The following TAF8 variants were observed in gnomAD, a reference collection of about 807,000 sequenced individuals.
TAF8 encodes TATA-box binding protein associated factor 8.
TAF8 carries 47 observed loss-of-function variants against 36.5 expected under a neutral mutation model. That is an observed-to-expected ratio of 1.29 (90% CI 1.02 to 1.64). TAF8 has a LOEUF of 1.64. Among genes scored for constraint, TAF8 ranks in the 40% most tolerant of loss-of-function variants. The probability of loss-of-function intolerance (pLI) is 0.00; values close to 1 mark genes in which losing one functional copy is unlikely to be tolerated. For missense variants in TAF8, 420 were observed against 407.6 expected, an observed-to-expected ratio of 1.03 and a Z score of -0.26; for synonymous variants, 175 against 159.5, an observed-to-expected ratio of 1.10 and a Z score of -0.73.
chr6:42,084,553 C>G (rs962444294), downstream of TAF8, among the ~76,000 whole-genome samples: 8 of 152,154 alleles, frequency 5.3e-5, no homozygotes, highest in Non-Finnish European at 8.8e-5. Context: ...ACCTCCGCCT[C>G]CTGGGTTCAA....
chr6:42,055,547 G>C lies in TAF8; in HGVS notation c.219G>C (p.Gly73=), dbSNP rs1165953343. ...CCCTCTTAGACATTTCAGAAATTGG[G>C]AGAAGTGCCAAGTCTTACTGTGAGC... is the stretch of plus-strand genomic sequence containing the variant. ...EMLQSYISEI[G]RSAKSYCEHT... Residue 73 remains glycine (G), a synonymous_variant, in exon 3 of 9, where the codon GGG becomes GGC. Transcript: ENST00000372977. 4 of 1,613,850 alleles carry C rather than the reference G, an allele frequency of 2.5e-6. No homozygotes were observed.
chr6:42,051,121 T>A, intron 1 of TAF8: 1 of 1,195,178 alleles, frequency 8.4e-7, no homozygotes, highest in East Asian at 3.9e-5. Context: ...AAAGACCTGC[T>A]ATTTTATCTC....
intron 5 of TAF8, among the ~76,000 whole-genome samples, chr6:42,064,783 C>T (rs1422000373): frequency 6.6e-6 from 1 of 150,704 alleles, no homozygotes; most frequent in African/African-American, 2.4e-5. Context: ...CAGTGAAACC[C>T]GTCTCTACTA....
At chr6:42,061,788 G>A (rs1562013135) in intron 5 of TAF8, among the ~76,000 whole-genome samples, 1 of 152,044 alleles carries the variant, frequency 6.6e-6, no homozygotes, top group Non-Finnish European at 1.5e-5. Context: ...GGGCTTTAGA[G>A]GACCTAATAT....
intron 7 of TAF8, among the ~76,000 whole-genome samples, chr6:42,073,828 G>T (rs1438546551): frequency 6.6e-6 from 1 of 152,196 alleles, no homozygotes; most frequent in East Asian, 1.9e-4. Context: ...GGTAAGAACG[G>T]ACTAGAGAGA....
intron 7 of TAF8, 60 bp downstream of exon 7, chr6:42,068,667 G>A: frequency 6.3e-7 from 1 of 1,592,120 alleles, no homozygotes; most frequent in South Asian, 1.1e-5. Flanking sequence ...ACTGCCCTCA[G>A]TCTGTCACCC....
At chr6:42,072,914 G>A (rs562738936) in intron 7 of TAF8, among the ~76,000 whole-genome samples, 8 of 151,868 alleles carry the variant, frequency 5.3e-5, no homozygotes, top group East Asian at 1.9e-4. Flanking sequence ...TAGTAGAGGC[G>A]GGGTTTCACC....
intron 2 of TAF8, among the ~76,000 whole-genome samples, chr6:42,054,985 A>G (rs1364908993): frequency 6.8e-6 from 1 of 146,806 alleles, no homozygotes; most frequent in African/African-American, 2.5e-5. Flanking sequence ...GCTGGAGTGC[A>G]ATGGCACAAT....
chr6:42,061,009 A>G (rs1034297283), intron 5 of TAF8, among the ~76,000 whole-genome samples: 16 of 152,348 alleles, frequency 1.1e-4, no homozygotes, highest in Admixed American at 6.5e-4. Context: ...TGTTTAACAC[A>G]TTAGCTCTCC....
At chr6:42,067,947 C>T (rs1005011320) in intron 6 of TAF8, among the ~76,000 whole-genome samples, 1 of 152,162 alleles carries the variant, frequency 6.6e-6, no homozygotes, top group Non-Finnish European at 1.5e-5. Context: ...TCTCATTGAC[C>T]AGAGTGTCTT....
At chr6:42,050,607 C>T in intron 1 of TAF8, 21 bp downstream of exon 1, 2 of 1,542,906 alleles carry the variant, frequency 1.3e-6, no homozygotes, top group Non-Finnish European at 1.7e-6. Flanking sequence ...GAAGCGCGGG[C>T]TCGGAGCCGA....
intron 7 of TAF8, among the ~76,000 whole-genome samples, chr6:42,069,112 G>T (rs4714562): frequency 0.21 from 31,822 of 152,054 alleles, 3,608 homozygotes; most frequent in South Asian, 0.27. Context: ...GGACATCAGG[G>T]TGGCCAGAGT....
rs1765370010 is a variant in TAF8, at chr6:42,066,503, C to T, written c.637+44C>T. 16 of 1,599,230 alleles carry T rather than the reference C, an allele frequency of 1.0e-5. No homozygotes were observed. In the Middle Eastern group the frequency reaches 5.0e-4, roughly 50 times the overall value. The stretch of plus-strand genomic sequence containing the variant: ...TGTGGACCCTGTCTTATTTGAAACA[C>T]TCACATTATCTTTTCTTTCTCTCAG... On this transcript the variant is annotated intron_variant, in intron 6 of 8. Coordinates refer to ENST00000372977, the MANE Select transcript of TAF8 (RefSeq NM_138572.3).
At chr6:42,050,834 C>A in intron 1 of TAF8, 1 of 978,810 alleles carries the variant, frequency 1.0e-6, no homozygotes, top group Non-Finnish European at 1.3e-6. Flanking sequence ...CCCGATTGGT[C>A]TGAAGATGCC....
intron 2 of TAF8, among the ~76,000 whole-genome samples, chr6:42,052,354 C>T (rs1007477868): frequency 1.9e-4 from 27 of 139,896 alleles, no homozygotes; most frequent in African/African-American, 6.3e-4. Context: ...CAGAGTCTCA[C>T]TGTGTTGCCC....
chr6:42,058,071 G>A (rs1407177067), intron 5 of TAF8, among the ~76,000 whole-genome samples: 2 of 151,978 alleles, frequency 1.3e-5, no homozygotes, highest in Non-Finnish European at 2.9e-5. Context: ...TTTCAATTGG[G>A]GGAAAAGTTA....
At chr6:42,075,854 A>G (rs1225447415) in intron 7 of TAF8, among the ~76,000 whole-genome samples, 1 of 152,170 alleles carries the variant, frequency 6.6e-6, no homozygotes, top group Admixed American at 6.5e-5. Context: ...AAGAATTTTG[A>G]TCATACTGAT....
Position 42,081,141 on chromosome 6 carries a change from T to A in TAF8, c.*3596T>A. 5.1e-6 allele frequency: 1 copy of A among 195,724 alleles called. No individual in the cohort carries two copies. The highest frequency in any genetic ancestry group is 9.2e-6 in the Non-Finnish European group (1 of 108,404). The allele number at this position is 195,724 out of a possible 1,614,324, so 12.1% of individuals were successfully genotyped here. A position where few individuals can be genotyped will look rare whatever the true frequency, so the allele number is the denominator to read the frequency against. On this transcript the variant is annotated 3_prime_UTR_variant, in exon 9 of 9. Transcript: ENST00000372977. The stretch of plus-strand genomic sequence containing the variant: ...ATTCTGTTTCATCTGTTTCTCCCAC[T>A]TTTTGTCCTTTATTTTCTTTCCTCC...
chr6:42,080,763 C>CA lies in TAF8; in HGVS notation c.*3222dup, dbSNP rs1239618039. 86 of 983,718 alleles carry CA rather than the reference C, an allele frequency of 8.7e-5. No individual in the cohort carries two copies. In the South Asian group the frequency reaches 1.2e-3, roughly 14 times the overall value. The allele number at this position is 983,718 out of a possible 1,614,324, so 60.9% of individuals were successfully genotyped here. ...GAAACATTGACCCTGTATAAAAATG[C>CA]AAAATTCTCAATGTGTATTTATAAA... On this transcript the variant is annotated 3_prime_UTR_variant, in exon 9 of 9. Transcript: ENST00000372977.
Sources: allele counts gnomAD v4.1 joint callset (sites outside exome capture counted in the v4.1 genomes callset), GRCh38; gene constraint gnomAD v4.1.1; transcripts MANE v1.5; gene names NCBI Gene and HGNC (gene_info 2026-07-23, HGNC 2026-07-21).